Variants in CDH13 observed in about 807,000 individuals in gnomAD.
CDH13 encodes cadherin-13.
CDH13 carries 24 observed loss-of-function variants against 63.8 expected under a neutral mutation model. The ratio of observed to expected loss-of-function variants is 0.38; its 90% confidence interval spans 0.27 to 0.53. The LOEUF is 0.53. Ranked by LOEUF, CDH13 falls within the 20% of genes least tolerant of loss-of-function variation. The pLI, the probability that CDH13 is intolerant of heterozygous loss-of-function variation, is 0.85. For missense variants in CDH13, 1,049 were observed against 903.1 expected (o/e 1.16, Z -2.07); for synonymous variants, 503 against 355.3 (o/e 1.42, Z -4.67).
intron 10 of CDH13, among the ~76,000 whole-genome samples, chr16:83,727,519 G>A (rs1003959062): frequency 6.6e-6 from 1 of 151,538 alleles, no homozygotes; most frequent in African/African-American, 2.4e-5. Context: ...CTGTTCCAGA[G>A]ATCACCACTG....
intron 2 of CDH13, among the ~76,000 whole-genome samples, chr16:82,930,766 T>C (rs893978998): frequency 2.6e-5 from 4 of 152,202 alleles, no homozygotes; most frequent in Non-Finnish European, 5.9e-5. Flanking sequence ...GATATATCAG[T>C]ACTCCAGTTC....
chr16:83,125,881 T>G (rs1185429805), intron 4 of CDH13, among the ~76,000 whole-genome samples: 1 of 152,160 alleles, frequency 6.6e-6, no homozygotes, highest in Non-Finnish European at 1.5e-5. Context: ...TTTCAAATAT[T>G]TAGGTCTACG....
At chr16:82,682,039 C>G (rs1288460167) in intron 1 of CDH13, among the ~76,000 whole-genome samples, 2 of 152,220 alleles carry the variant, frequency 1.3e-5, no homozygotes, top group African/African-American at 4.8e-5. Flanking sequence ...GCCCTTGGCT[C>G]AGGATTTATA....
At chr16:83,417,906 AATC>A (rs1382163584) in intron 6 of CDH13, among the ~76,000 whole-genome samples, 5 of 152,158 alleles carry the variant, frequency 3.3e-5, no homozygotes, top group Admixed American at 2.0e-4. Flanking sequence ...GAGAAAGAGA[AATC>A]ATAACTGTTT....
At chr16:82,716,445 G>C (rs1310697883) in intron 1 of CDH13, among the ~76,000 whole-genome samples, 3 of 151,556 alleles carry the variant, frequency 2.0e-5, no homozygotes, top group African/African-American at 7.3e-5. Flanking sequence ...GCTAAATTTA[G>C]ATAAGTCACA....
chr16:83,481,614 C>A (rs1318250444), intron 6 of CDH13, among the ~76,000 whole-genome samples: 1 of 152,216 alleles, frequency 6.6e-6, no homozygotes, highest in Admixed American at 6.5e-5. Context: ...GTCAGGCTGG[C>A]GGCCGTGTCC....
At chr16:83,466,177 C>T (rs535186886) in intron 6 of CDH13, among the ~76,000 whole-genome samples, 11 of 152,288 alleles carry the variant, frequency 7.2e-5, no homozygotes, top group African/African-American at 2.2e-4. Context: ...ACGCTGTTTC[C>T]GTTTAAGCAT....
intron 6 of CDH13, among the ~76,000 whole-genome samples, chr16:83,423,208 G>T (rs922933296): frequency 6.6e-6 from 1 of 152,160 alleles, no homozygotes; most frequent in Non-Finnish European, 1.5e-5. Context: ...TTTAAGAATT[G>T]TGTAAGTCCT....
intron 2 of CDH13, among the ~76,000 whole-genome samples, chr16:82,933,216 A>C (rs887154811): frequency 6.6e-6 from 1 of 152,098 alleles, no homozygotes; most frequent in Non-Finnish European, 1.5e-5. Flanking sequence ...ATGGTTTTGC[A>C]TGGCTGGTGA....
At chr16:83,448,433 C>A (rs1195569202) in intron 6 of CDH13, among the ~76,000 whole-genome samples, 1 of 152,110 alleles carries the variant, frequency 6.6e-6, no homozygotes, top group Non-Finnish European at 1.5e-5. Context: ...AGATCTCTTC[C>A]CTAGAACAAG....
In CDH13 at chr16:83,240,673, TAAAA is replaced by T. The variant is rs55638991; in HGVS notation, c.636+23190_636+23193del. Among the ~76,000 whole-genome samples the T allele has an allele frequency of 1.4e-3, 170 of 124,998 alleles. 3 individuals are homozygous for T. The highest frequency in any genetic ancestry group is 2.1e-3 in the African/African-American group (69 of 32,348). The allele number at this position is 124,998 out of a possible 152,430, so 82.0% of individuals were successfully genotyped here. A position where few individuals can be genotyped will look rare whatever the true frequency, so the allele number is the denominator to read the frequency against. ...TAAATATTTCAACTTTTTTAAATAG[TAAAA>T]AAAAAAAAAAAAACATGACTTTAAA... On this transcript the variant is annotated intron_variant, in intron 5 of 13. Coordinates refer to ENST00000567109, the MANE Select transcript of CDH13 (RefSeq NM_001257.5).
chr16:82,689,821 A>G (rs1243252066), intron 1 of CDH13, among the ~76,000 whole-genome samples: 2 of 151,704 alleles, frequency 1.3e-5, no homozygotes, highest in Non-Finnish European at 2.9e-5. Flanking sequence ...GATGTAATGC[A>G]TTTCTGTCCC....
At chr16:83,102,725 C>G (rs2034543472) in intron 3 of CDH13, among the ~76,000 whole-genome samples, 1 of 151,764 alleles carries the variant, frequency 6.6e-6, no homozygotes, top group Non-Finnish European at 1.5e-5. Flanking sequence ...GTGTTTTGAT[C>G]CAGGAAAAGA....
intron 4 of CDH13, among the ~76,000 whole-genome samples, chr16:83,136,476 A>G (rs1237848612): frequency 1.4e-5 from 2 of 140,368 alleles, no homozygotes; most frequent in African/African-American, 5.6e-5. Flanking sequence ...ACAGAGCGGG[A>G]CTCTGTCTCC....
In CDH13 at chr16:83,359,228, T is replaced by C. The variant is rs2091113817; in HGVS notation, c.781+14222T>C. 2.6e-5 allele frequency among the ~76,000 whole-genome samples: 4 copies of C among 152,180 alleles called. No individual in the cohort carries two copies. In the South Asian group the frequency reaches 8.3e-4, roughly 31 times the overall value. On this transcript the variant is annotated intron_variant, in intron 6 of 13. Coordinates refer to ENST00000567109, the MANE Select transcript of CDH13 (RefSeq NM_001257.5). ...CCAAAAGATCTGGTTTTCAGCTATGTTTCCACTGTGATTATGAGACCTTAA... is the reference window on the plus strand; with the variant it reads ...CCAAAAGATCTGGTTTTCAGCTATGCTTCCACTGTGATTATGAGACCTTAA...
At chr16:83,302,516 A>C (rs1219871145) in intron 5 of CDH13, among the ~76,000 whole-genome samples, 1 of 152,216 alleles carries the variant, frequency 6.6e-6, no homozygotes, top group Non-Finnish European at 1.5e-5. Context: ...AAATATCATG[A>C]AAGTCACAAC....
chr16:83,633,377 G>T (rs2150797217), intron 8 of CDH13, among the ~76,000 whole-genome samples: 1 of 152,284 alleles, frequency 6.6e-6, no homozygotes, highest in South Asian at 2.1e-4. Flanking sequence ...TGGTTCCGGA[G>T]GTTTGACCTC....
At chr16:83,382,680 C>T (rs2091591915) in intron 6 of CDH13, among the ~76,000 whole-genome samples, 1 of 152,176 alleles carries the variant, frequency 6.6e-6, no homozygotes, top group Non-Finnish European at 1.5e-5. Flanking sequence ...AGCCCTCCTA[C>T]CTTTCCCTTC....
intron 1 of CDH13, among the ~76,000 whole-genome samples, chr16:82,681,872 G>A (rs141449698): frequency 2.6e-5 from 4 of 152,308 alleles, no homozygotes; most frequent in African/African-American, 9.6e-5. Context: ...AGCTCAGTGC[G>A]TCTTGCTGGC....
Sources: allele counts gnomAD v4.1 joint callset (sites outside exome capture counted in the v4.1 genomes callset), GRCh38; gene constraint gnomAD v4.1.1; transcripts MANE v1.5; gene names NCBI Gene and HGNC (gene_info 2026-07-23, HGNC 2026-07-21).